The following TLN2 variants were observed in gnomAD, a reference collection of about 807,000 sequenced individuals.
TLN2 encodes the protein talin 2, also known as talin-2.
In TLN2, 118 loss-of-function variants were observed where a neutral mutation model predicts 294.7. That is an observed-to-expected ratio of 0.40 (90% CI 0.34 to 0.47). The LOEUF (loss-of-function observed/expected upper bound fraction) is 0.47. Ranked by LOEUF, TLN2 falls within the 20% of genes least tolerant of loss-of-function variation. The probability of loss-of-function intolerance (pLI) is 0.84; values close to 1 mark genes in which losing one functional copy is unlikely to be tolerated. For missense variants in TLN2, 3,083 were observed against 3,282.2 expected (o/e 0.94, Z 1.48); for synonymous variants, 1,431 against 1,304.5 (o/e 1.10, Z -2.09).
chr15:62,490,038 CG>C (rs1182838156), intron 1 of TLN2, among the ~76,000 whole-genome samples: 1 of 152,180 alleles, frequency 6.6e-6, no homozygotes, highest in Non-Finnish European at 1.5e-5. Flanking sequence ...GCATTGCATT[CG>C]GGGGTAATTT....
intron 32 of TLN2, among the ~76,000 whole-genome samples, chr15:62,743,942 G>T (rs1483173254): frequency 1.3e-5 from 2 of 152,174 alleles, no homozygotes; most frequent in African/African-American, 2.4e-5. Context: ...TGAGGTTCTT[G>T]CTGGACGGGG....
intron 1 of TLN2, among the ~76,000 whole-genome samples, chr15:62,552,586 A>G (rs1439805547): frequency 2.0e-5 from 3 of 152,198 alleles, no homozygotes; most frequent in Admixed American, 2.0e-4. Flanking sequence ...GCTGTTTAAA[A>G]TGAGCCCCTG....
intron 1 of TLN2, among the ~76,000 whole-genome samples, chr15:62,575,638 A>G (rs2044326015): frequency 6.6e-6 from 1 of 152,182 alleles, no homozygotes; most frequent in African/African-American, 2.4e-5. Context: ...ACACACACAG[A>G]AAAATTAGTC....
chr15:62,462,225 C>T (rs2036849659), intron 1 of TLN2, among the ~76,000 whole-genome samples: 2 of 152,148 alleles, frequency 1.3e-5, no homozygotes, highest in South Asian at 2.1e-4. Flanking sequence ...CAAAGCAAGA[C>T]TCTGTCTCAA....
chr15:62,713,897 C>CACAT (rs1555485304), intron 22 of TLN2, among the ~76,000 whole-genome samples: 1 of 119,068 alleles, frequency 8.4e-6, no homozygotes, highest in Non-Finnish European at 1.9e-5. Context: ...TTCTTTAAGC[C>CACAT]ATATATATAT....
intron 51 of TLN2, among the ~76,000 whole-genome samples, chr15:62,809,662 G>T (rs560459693): frequency 6.6e-6 from 1 of 152,318 alleles, no homozygotes; most frequent in Admixed American, 6.5e-5. Context: ...GGTGGGAAAA[G>T]GAGGAACAAA....
chr15:62,600,507 C>CT (rs1194062875), intron 2 of TLN2, among the ~76,000 whole-genome samples: 1 of 152,126 alleles, frequency 6.6e-6, no homozygotes, highest in Non-Finnish European at 1.5e-5. Context: ...ACAATGGACT[C>CT]ACTCTCAGCA....
intron 9 of TLN2, among the ~76,000 whole-genome samples, chr15:62,673,231 C>T (rs1013942347): frequency 1.4e-5 from 2 of 144,110 alleles, no homozygotes; most frequent in African/African-American, 5.1e-5. Context: ...TTTGCAGTTA[C>T]TTGACATAAT....
In TLN2 at chr15:62,792,713, G is replaced by T. The variant is rs757198815; in HGVS notation, c.5809G>T (p.Ala1937Ser). 4 of 1,614,050 alleles carry T rather than the reference G, an allele frequency of 2.5e-6. No individual in the cohort carries two copies. Among genetic ancestry groups the T allele is most frequent in the Non-Finnish European group, 2.5e-6 (3 of 1,180,044 alleles). Residue 1937 changes from alanine to serine, a missense_variant, in exon 46 of 59, where the codon GCC (alanine) becomes TCC (serine). Transcript: ENST00000636159. ...GCIFLVQKAG[A>S]LQVCPTDSYT... ...TATCTTCCTGGTGCAGAAGGCAGGG[G>T]CCCTCCAGGTCTGCCCCACAGACAG...
chr15:62,435,741 C>G (rs2035256934), intron 1 of TLN2, among the ~76,000 whole-genome samples: 1 of 152,094 alleles, frequency 6.6e-6, no homozygotes, highest in Non-Finnish European at 1.5e-5. Flanking sequence ...GGGGTTTTGC[C>G]ATGTTGGCCT....
At chr15:62,478,050 C>T (rs1478420858) in intron 1 of TLN2, among the ~76,000 whole-genome samples, 4 of 152,200 alleles carry the variant, frequency 2.6e-5, no homozygotes, top group Admixed American at 2.6e-4. Flanking sequence ...GCTCTAACAG[C>T]ATTCTCGGAG....
intron 20 of TLN2, among the ~76,000 whole-genome samples, chr15:62,707,487 A>G (rs1473825468): frequency 6.6e-6 from 1 of 152,202 alleles, no homozygotes; most frequent in Admixed American, 6.5e-5. Flanking sequence ...GTTCATTTCT[A>G]TATGCAAATT....
chr15:62,688,989 T>G (rs1253845729), intron 12 of TLN2, among the ~76,000 whole-genome samples: 1 of 152,102 alleles, frequency 6.6e-6, no homozygotes, highest in African/African-American at 2.4e-5. Context: ...TACACTATAT[T>G]TAAGCTAATT....
intron 3 of TLN2, among the ~76,000 whole-genome samples, chr15:62,636,971 A>G (rs1037149709): frequency 1.3e-5 from 2 of 152,028 alleles, no homozygotes; most frequent in South Asian, 2.1e-4. Flanking sequence ...CCCCACCCCA[A>G]CCCCACGTAA....
At chr15:62,777,218 A>C (rs2063777714) in intron 43 of TLN2, among the ~76,000 whole-genome samples, 1 of 152,040 alleles carries the variant, frequency 6.6e-6, no homozygotes, top group Admixed American at 6.5e-5. Context: ...GTTGTGGGGG[A>C]ACAATTGCCA....
At chr15:62,734,939 C>G (rs2060924419) in intron 28 of TLN2, among the ~76,000 whole-genome samples, 1 of 152,188 alleles carries the variant, frequency 6.6e-6, no homozygotes, top group Non-Finnish European at 1.5e-5. Context: ...AAAGACTACA[C>G]TCACTGGTGC....
intron 1 of TLN2, among the ~76,000 whole-genome samples, chr15:62,448,967 A>T (rs914150740): frequency 2.0e-5 from 3 of 152,176 alleles, no homozygotes; most frequent in African/African-American, 7.2e-5. Flanking sequence ...CTGGCTTCTT[A>T]TTCCTTTTGC....
chr15:62,727,019 A>C, intron 27 of TLN2, 68 bp from the exon 28 acceptor site: 1 of 1,507,266 alleles, frequency 6.6e-7, no homozygotes, highest in African/African-American at 1.4e-5. Flanking sequence ...ATTTTTCTAA[A>C]TTATTTTAAG....
intron 14 of TLN2, among the ~76,000 whole-genome samples, 180 bp downstream of exon 14, chr15:62,694,572 C>T (rs147171358): frequency 6.6e-5 from 10 of 152,274 alleles, no homozygotes; most frequent in African/African-American, 2.4e-4. Context: ...GCAGACGTCT[C>T]GTGAGGGAGG....
Sources: gnomAD v4.1 joint callset for allele counts (sites outside exome capture counted in the v4.1 genomes callset) on GRCh38, gnomAD v4.1.1 for gene constraint, MANE v1.5 for transcripts, NCBI Gene and HGNC (gene_info 2026-07-23, HGNC 2026-07-21) for gene names.